MPP4: variants seen among roughly 807,000 people sequenced by gnomAD.
The protein encoded by MPP4 is MAGUK p55 subfamily member 4.
A neutral mutation model predicts 98.3 loss-of-function variants in MPP4; 91 were observed. The ratio of observed to expected loss-of-function variants is 0.93; its 90% CI spans 0.78 to 1.10. MPP4 has a LOEUF of 1.10. Ranked by LOEUF, MPP4 falls within the 50% of genes least tolerant of loss-of-function variation. The pLI is 0.00. For synonymous variants in MPP4, 261 were observed against 271.8 expected (o/e 0.96, Z 0.39); for missense variants, 744 against 792.9 (o/e 0.94, Z 0.74).
intron 3 of MPP4, 69 bp downstream of exon 3, chr2:201,692,838 GC>G: frequency 6.4e-7 from 1 of 1,562,680 alleles, no homozygotes; most frequent in Non-Finnish European, 8.7e-7. Flanking sequence ...ATGGACTGAA[GC>G]TGTCATTTTC....
chr2:201,652,446 A>G (rs2105912911), intron 18 of MPP4, among the ~76,000 whole-genome samples: 1 of 152,320 alleles, frequency 6.6e-6, no homozygotes, highest in Middle Eastern at 3.4e-3. Flanking sequence ...GCGACAGAGC[A>G]AGACTCCGTC....
intron 12 of MPP4, among the ~76,000 whole-genome samples, chr2:201,667,785 T>C (rs915216273): frequency 2.5e-4 from 38 of 152,164 alleles, no homozygotes; most frequent in African/African-American, 8.0e-4. Context: ...TATAACACTA[T>C]AAGGTGTTAT....
At chr2:201,668,799 C>T (rs1436443707) in intron 12 of MPP4, among the ~76,000 whole-genome samples, 2 of 152,154 alleles carry the variant, frequency 1.3e-5, no homozygotes. Context: ...CCAGGTTGCC[C>T]TTCACAACTC....
chr2:201,654,444 T>C (rs1687800578), intron 18 of MPP4, among the ~76,000 whole-genome samples: 1 of 152,134 alleles, frequency 6.6e-6, no homozygotes, highest in Admixed American at 6.6e-5. Flanking sequence ...TGTTAAGAAA[T>C]AGAAAAAAGC....
chr2:201,649,855 T>C (rs548632287), intron 19 of MPP4, among the ~76,000 whole-genome samples, 171 bp from the exon 20 acceptor site: 1 of 152,382 alleles, frequency 6.6e-6, no homozygotes, highest in South Asian at 2.1e-4. Context: ...CTAGAGTTTA[T>C]GTATTTCCTC....
At chr2:201,688,705 C>T (rs116292421) in intron 4 of MPP4, among the ~76,000 whole-genome samples, 4 of 150,446 alleles carry the variant, frequency 2.7e-5, no homozygotes, top group Non-Finnish European at 5.9e-5. Context: ...CCTCTACTTC[C>T]TGGGTTCAAG....
chr2:201,666,533 C>T (rs1001832749), intron 12 of MPP4, 161 bp from the exon 13 acceptor site: 29 of 519,760 alleles, frequency 5.6e-5, no homozygotes, highest in African/African-American at 4.2e-4. Context: ...CCAACTTGAC[C>T]GACATGGTGA....
chr2:201,663,414 G>T (rs1688079385), intron 14 of MPP4, among the ~76,000 whole-genome samples: 1 of 152,184 alleles, frequency 6.6e-6, no homozygotes, highest in Admixed American at 6.5e-5. Context: ...TCTCACAACT[G>T]CACTGTTGCT....
At position 201,664,067 on chromosome 2, in the gene MPP4, C is replaced by A. The variant is rs1208895614; in HGVS notation, c.1072+14G>T. The A allele has an allele frequency of 2.0e-6, 3 of 1,501,800 alleles. No homozygotes were observed. The highest frequency in any genetic ancestry group is 2.5e-5 in the South Asian group (2 of 80,438). The allele number at this position is 1,501,800 out of a possible 1,614,324, so 93.0% of individuals were successfully genotyped here. A position where few individuals can be genotyped will look rare whatever the true frequency, so the allele number is the denominator to read the frequency against. On this transcript the variant is annotated intron_variant, in intron 14 of 21. Transcript: ENST00000409474. ...CATTTAAAAATCAGTACCAAATACT[C>A]ATTTTTTACTTACCAGATTCAAATG...
intron 9 of MPP4, 132 bp downstream of exon 9, chr2:201,681,364 T>G: frequency 1.3e-6 from 1 of 781,856 alleles, no homozygotes; most frequent in Non-Finnish European, 2.1e-6. Flanking sequence ...CCATCAGTAT[T>G]GAAAAATATC....
intron 13 of MPP4, among the ~76,000 whole-genome samples, chr2:201,664,778 T>C (rs1187173470): frequency 6.6e-6 from 1 of 152,196 alleles, no homozygotes; most frequent in Non-Finnish European, 1.5e-5. Flanking sequence ...GATATAGTTA[T>C]AAGGCAATTC....
chr2:201,697,842 T>A (rs1045763643), intron 1 of MPP4: 22 of 764,376 alleles, frequency 2.9e-5, no homozygotes, highest in Non-Finnish European at 3.3e-5. Context: ...TTCAGTAGAG[T>A]TAACATGTAG....
intron 18 of MPP4, among the ~76,000 whole-genome samples, chr2:201,652,582 C>G (rs1687744404): frequency 6.6e-6 from 1 of 152,226 alleles, no homozygotes; most frequent in Non-Finnish European, 1.5e-5. Context: ...TCTCAACTGA[C>G]TAATTAAAAT....
intron 21 of MPP4, 148 bp from the exon 22 acceptor site, chr2:201,645,552 G>T: frequency 3.5e-6 from 2 of 564,430 alleles, no homozygotes; most frequent in Non-Finnish European, 5.7e-6. Flanking sequence ...TTTCAATAAA[G>T]TTTCAAAAAT....
chr2:201,679,291 C>T (rs1428924694), intron 10 of MPP4, among the ~76,000 whole-genome samples: 3 of 152,106 alleles, frequency 2.0e-5, no homozygotes. Context: ...GGACCCGCAC[C>T]CCAGAAGCAC....
Position 201,694,605 on chromosome 2 carries a change from TC to T in MPP4, c.-100-552del, listed in dbSNP as rs1215319761. 5.4e-5 allele frequency among the ~76,000 whole-genome samples: 7 copies of T among 129,350 alleles called. No individual in the cohort carries two copies. The East Asian group carries it at 1.2e-3, about 22-fold the overall frequency. The allele number at this position is 129,350 out of a possible 152,430, so 84.9% of individuals were successfully genotyped here. A position where few individuals can be genotyped will look rare whatever the true frequency, so the allele number is the denominator to read the frequency against. ...TATAGAGTCTGGACAGTTTTCTTTT[TC>T]CCTTTTTTTTTTTTTTTTTTTTTTT... On this transcript the variant is annotated intron_variant, in intron 1 of 21. Coordinates refer to ENST00000409474, the MANE Select transcript of MPP4 (RefSeq NM_033066.3).
intron 10 of MPP4, among the ~76,000 whole-genome samples, chr2:201,675,749 C>T (rs1229526065): frequency 6.6e-6 from 1 of 152,204 alleles, no homozygotes; most frequent in African/African-American, 2.4e-5. Context: ...CTTTTCTTGG[C>T]ACCTGAAACC....
intron 21 of MPP4, among the ~76,000 whole-genome samples, chr2:201,646,015 T>A (rs886257408): frequency 6.6e-6 from 1 of 152,170 alleles, no homozygotes; most frequent in Middle Eastern, 3.2e-3. Flanking sequence ...GTTTTTATTT[T>A]AAAAAATGAG....
At chr2:201,678,527 G>C (rs1015678506) in intron 10 of MPP4, among the ~76,000 whole-genome samples, 14 of 152,114 alleles carry the variant, frequency 9.2e-5, no homozygotes, top group African/African-American at 3.1e-4. Flanking sequence ...CGCCCAGTGG[G>C]GTGCTGGTGA....
Sources: gnomAD v4.1 joint callset for allele counts (sites outside exome capture counted in the v4.1 genomes callset) on GRCh38, gnomAD v4.1.1 for gene constraint, MANE v1.5 for transcripts, NCBI Gene and HGNC (gene_info 2026-07-23, HGNC 2026-07-21) for gene names.